Variants in DLG2 observed in about 807,000 individuals in gnomAD.
The protein encoded by DLG2 is disks large homolog 2.
In DLG2, 45 loss-of-function variants were observed where a neutral mutation model predicts 132.5. The ratio of observed to expected loss-of-function variants is 0.34; its 90% CI spans 0.27 to 0.44. The LOEUF (loss-of-function observed/expected upper bound fraction) is 0.44, where lower values mean the gene tolerates loss of function less well. Among genes scored for constraint, DLG2 ranks in the 20% least tolerant of loss-of-function variants. The pLI is 1.00. For synonymous variants in DLG2, 424 were observed against 419.6 expected (o/e 1.01, Z -0.13); for missense variants, 1,045 against 1,196.9 (o/e 0.87, Z 1.87).
chr11:84,092,626 C>T (rs1254999850), intron 10 of DLG2, among the ~76,000 whole-genome samples: 2 of 152,192 alleles, frequency 1.3e-5, no homozygotes, highest in Admixed American at 6.5e-5. Flanking sequence ...GAGGAAGTCA[C>T]TTCTCACTTT....
At chr11:84,404,251 T>C (rs2098840764) in intron 7 of DLG2, among the ~76,000 whole-genome samples, 1 of 152,158 alleles carries the variant, frequency 6.6e-6, no homozygotes, top group African/African-American at 2.4e-5. Context: ...TAATAAGACA[T>C]GTCCTTTTTT....
chr11:85,167,956 G>T (rs1260866522), intron 4 of DLG2, among the ~76,000 whole-genome samples: 2 of 152,052 alleles, frequency 1.3e-5, no homozygotes, highest in Non-Finnish European at 2.9e-5. Flanking sequence ...CTCCTCTGCT[G>T]AAATAATAAT....
At chr11:85,116,561 G>T (rs1162029447) in intron 5 of DLG2, among the ~76,000 whole-genome samples, 1 of 151,768 alleles carries the variant, frequency 6.6e-6, no homozygotes, top group Non-Finnish European at 1.5e-5. Flanking sequence ...GCAAAATAAA[G>T]GTTTTCATTG....
At chr11:83,468,017 T>A (rs959575508) in intron 25 of DLG2, among the ~76,000 whole-genome samples, 1 of 151,884 alleles carries the variant, frequency 6.6e-6, no homozygotes, top group East Asian at 1.9e-4. Context: ...AGCTGCTTTA[T>A]AAAGCATTTC....
chr11:83,770,259 TTTTTTG>T (rs201556571), intron 18 of DLG2, among the ~76,000 whole-genome samples: 1,665 of 150,022 alleles, frequency 0.011, 71 homozygotes, highest in African/African-American at 0.039. Flanking sequence ...TCTGGTGTTT[TTTTTTG>T]TTTTTTTGCT....
At chr11:85,011,524 TA>T (rs1472174958) in intron 6 of DLG2, among the ~76,000 whole-genome samples, 1 of 152,142 alleles carries the variant, frequency 6.6e-6, no homozygotes, top group Non-Finnish European at 1.5e-5. Context: ...AGCAAAAGAG[TA>T]AGTAAATATA....
At chr11:85,617,043 A>G (rs2081386295) in intron 2 of DLG2, among the ~76,000 whole-genome samples, 1 of 152,214 alleles carries the variant, frequency 6.6e-6, no homozygotes, top group Non-Finnish European at 1.5e-5. Flanking sequence ...GAAAACTTCA[A>G]AAAGGATAAG....
chr11:84,575,291 A>G (rs1057040796), intron 6 of DLG2, among the ~76,000 whole-genome samples: 1 of 151,944 alleles, frequency 6.6e-6, no homozygotes, highest in African/African-American at 2.4e-5. Context: ...CTAATATTAA[A>G]TTACTTATAG....
rs184315486 is a variant in DLG2 at position 85,288,640 on chromosome 11, C to G, written c.41-3275G>C. 1.4e-4 allele frequency among the ~76,000 whole-genome samples: 21 copies of G among 150,824 alleles called. 1 individual carries two copies. The highest frequency in any genetic ancestry group is 4.1e-4 in the African/African-American group (17 of 41,038). On this transcript the variant is annotated intron_variant, in intron 3 of 27. Transcript: ENST00000376104. ...TGCCACTGCACTCCAGTCCTGGTAA[C>G]AGAACAAGACTCACTTTCAAAAAAA...
chr11:84,719,867 G>C lies in DLG2; in HGVS notation c.358-185136C>G, dbSNP rs146748889. Among the ~76,000 whole-genome samples, 80 of 152,150 alleles carry C rather than the reference G, an allele frequency of 5.3e-4. 1 individual carries two copies. The East Asian group carries it at 0.015, about 29-fold the overall frequency. ...ATCTTAAAAAATGTCAGTTTATCTA[G>C]AGTTCATCGACCACCCCACTTACTC... On this transcript the variant is annotated intron_variant, in intron 6 of 27. Coordinates refer to ENST00000376104, the MANE Select transcript of DLG2 (RefSeq NM_001142699.3).
intron 6 of DLG2, among the ~76,000 whole-genome samples, chr11:84,797,356 T>G (rs2074775990): frequency 1.3e-5 from 2 of 152,182 alleles, no homozygotes; most frequent in South Asian, 4.1e-4. Flanking sequence ...TTAAGGCTAA[T>G]AATACTTAGA....
intron 3 of DLG2, among the ~76,000 whole-genome samples, chr11:85,484,955 A>C (rs1486878421): frequency 6.6e-6 from 1 of 152,206 alleles, no homozygotes; most frequent in Non-Finnish European, 1.5e-5. Flanking sequence ...ACCAACCCAA[A>C]TGTCCGACAA....
At chr11:83,463,618 G>A (rs1371384281) in intron 26 of DLG2, among the ~76,000 whole-genome samples, 2 of 152,122 alleles carry the variant, frequency 1.3e-5, no homozygotes, top group Non-Finnish European at 1.5e-5. Flanking sequence ...GTGAAACCCT[G>A]TCTCCACAAA....
At chr11:84,156,405 C>A (rs2095430490) in intron 9 of DLG2, among the ~76,000 whole-genome samples, 1 of 152,124 alleles carries the variant, frequency 6.6e-6, no homozygotes, top group South Asian at 2.1e-4. Context: ...ATTTATGATG[C>A]TTTTATAACC....
intron 5 of DLG2, among the ~76,000 whole-genome samples, chr11:85,117,611 G>T (rs1031628642): frequency 8.3e-6 from 1 of 120,264 alleles, no homozygotes; most frequent in Non-Finnish European, 1.8e-5. Flanking sequence ...TAGGTAAATA[G>T]AAAAAAAAAA....
intron 6 of DLG2, among the ~76,000 whole-genome samples, chr11:85,067,285 C>CA (rs1201754212): frequency 3.3e-5 from 5 of 151,594 alleles, no homozygotes; most frequent in Non-Finnish European, 7.4e-5. Context: ...TTGATCTTTC[C>CA]AAAAAACCAG....
chr11:83,813,238 G>C (rs867515647), intron 17 of DLG2, among the ~76,000 whole-genome samples: 1 of 152,152 alleles, frequency 6.6e-6, no homozygotes, highest in Non-Finnish European at 1.5e-5. Flanking sequence ...TCAAAAGGCA[G>C]GTACTACTTC....
chr11:83,886,064 C>T (rs1452112500), intron 15 of DLG2, among the ~76,000 whole-genome samples: 1 of 152,154 alleles, frequency 6.6e-6, no homozygotes, highest in Non-Finnish European at 1.5e-5. Flanking sequence ...AACCAGCTAA[C>T]ATCATAATGA....
intron 3 of DLG2, among the ~76,000 whole-genome samples, chr11:85,440,099 A>G (rs2091702523): frequency 1.3e-5 from 2 of 152,198 alleles, no homozygotes; most frequent in African/African-American, 4.8e-5. Context: ...TATGACTAAT[A>G]TTTACTTCAT....
Sources: gnomAD v4.1 joint callset for allele counts (sites outside exome capture counted in the v4.1 genomes callset) on GRCh38, gnomAD v4.1.1 for gene constraint, MANE v1.5 for transcripts, NCBI Gene and HGNC (gene_info 2026-07-23, HGNC 2026-07-21) for gene names.